The following PLD1 variants were observed in gnomAD, a reference collection of about 807,000 sequenced individuals.
The protein encoded by PLD1 is phospholipase D1.
A neutral mutation model predicts 137.1 loss-of-function variants in PLD1; 112 were observed. That is an observed-to-expected ratio of 0.82 (90% CI 0.70 to 0.96). The LOEUF is 0.96. Ranked by LOEUF, PLD1 falls within the 40% of genes least tolerant of loss-of-function variation. The probability of loss-of-function intolerance (pLI) is 0.00; values close to 1 mark genes in which losing one functional copy is unlikely to be tolerated. For missense variants in PLD1, 1,321 were observed against 1,342.0 expected (o/e 0.98, Z 0.24); for synonymous variants, 431 against 454.7 (o/e 0.95, Z 0.66).
intron 19 of PLD1, among the ~76,000 whole-genome samples, chr3:171,662,976 C>T (rs4894715): frequency 0.46 from 70,291 of 152,050 alleles, 16,628 homozygotes; most frequent in African/African-American, 0.55. Context: ...TGTTTTGCCA[C>T]TTCATCACAT....
chr3:171,748,419 C>G (rs1720417473), intron 1 of PLD1, among the ~76,000 whole-genome samples: 1 of 152,144 alleles, frequency 6.6e-6, no homozygotes. Flanking sequence ...ACGGAATATT[C>G]ATGCATTCCT....
intron 12 of PLD1, among the ~76,000 whole-genome samples, chr3:171,693,555 C>CT (rs1284648600): frequency 3.3e-5 from 5 of 151,846 alleles, no homozygotes; most frequent in Non-Finnish European, 7.4e-5. Flanking sequence ...TTGTGGATTG[C>CT]TTTTTTTACT....
chr3:171,735,420 G>C, intron 4 of PLD1, 72 bp downstream of exon 4: 2 of 1,282,510 alleles, frequency 1.6e-6, no homozygotes, highest in Admixed American at 1.7e-5. Context: ...ACAGGTGTGA[G>C]CTACCACACC....
At chr3:171,673,575 T>A (rs1369319954) in intron 19 of PLD1, among the ~76,000 whole-genome samples, 1 of 152,050 alleles carries the variant, frequency 6.6e-6, no homozygotes, top group East Asian at 1.9e-4. Context: ...CTGGCCTTTT[T>A]TAAAAAAAGT....
At chr3:171,791,736 G>T (rs1190820233) in intron 1 of PLD1, 1 of 152,090 alleles carries the variant, frequency 6.6e-6, no homozygotes, top group Non-Finnish European at 1.5e-5. Context: ...TTCCTCACCT[G>T]GGGCCATTCA....
At chr3:171,668,484 T>G (rs1018108222) in intron 19 of PLD1, among the ~76,000 whole-genome samples, 3 of 152,256 alleles carry the variant, frequency 2.0e-5, no homozygotes, top group Admixed American at 6.5e-5. Flanking sequence ...AAAACAATTT[T>G]TTTTCAGTGG....
At chr3:171,689,657 T>G (rs900994195) in intron 13 of PLD1, among the ~76,000 whole-genome samples, 1 of 152,140 alleles carries the variant, frequency 6.6e-6, no homozygotes, top group South Asian at 2.1e-4. Flanking sequence ...TGTACCACCA[T>G]GCCTGGCTAA....
At chr3:171,670,176 G>A (rs1712601592) in intron 19 of PLD1, among the ~76,000 whole-genome samples, 1 of 9,926 alleles carries the variant, frequency 1.0e-4, no homozygotes, top group African/African-American at 5.1e-4. Flanking sequence ...ATGGTTAATG[G>A]GTACAAACAT....
At chr3:171,809,144 T>C (rs542115059) in intron 1 of PLD1, 1 of 152,368 alleles carries the variant, frequency 6.6e-6, no homozygotes, top group African/African-American at 2.4e-5. Context: ...ACTTTTTATA[T>C]GGATTGTTAA....
intron 6 of PLD1, among the ~76,000 whole-genome samples, chr3:171,729,112 T>C (rs1264667762): frequency 6.6e-6 from 1 of 152,232 alleles, no homozygotes; most frequent in Non-Finnish European, 1.5e-5. Flanking sequence ...TTTGGGCAAG[T>C]GATTCTCAGG....
At chr3:171,666,284 C>A (rs1712136146) in intron 19 of PLD1, 1 of 152,624 alleles carries the variant, frequency 6.6e-6, no homozygotes, top group Admixed American at 6.5e-5. Context: ...GGAGGCCTCA[C>A]AATCATGGCA....
intron 19 of PLD1, among the ~76,000 whole-genome samples, chr3:171,667,979 T>C (rs991473419): frequency 6.6e-6 from 1 of 152,214 alleles, no homozygotes; most frequent in Admixed American, 6.5e-5. Flanking sequence ...TTCGAACTCC[T>C]GACGTCAGGT....
In PLD1 at chr3:171,675,475, T is replaced by C. The variant is rs118180080; in HGVS notation, c.2116-862A>G. On this transcript the variant is annotated intron_variant, in intron 18 of 26. Coordinates refer to ENST00000351298, the MANE Select transcript of PLD1 (RefSeq NM_002662.5). The stretch of plus-strand genomic sequence containing the variant: ...GGAAATAGTTTTTCTGGATCAAAGA[T>C]TGCATACTTTAAAAAAGACTTATTG... Among the ~76,000 whole-genome samples, 64 of 152,356 alleles carry C rather than the reference T, an allele frequency of 4.2e-4. No individual in the cohort carries two copies. In the East Asian group the frequency reaches 8.7e-3, roughly 21 times the overall value.
Position 171,764,965 on chromosome 3 carries a change from A to G in PLD1, c.-31-26883T>C, listed in dbSNP as rs866646237. Among the ~76,000 whole-genome samples the G allele has an allele frequency of 4.2e-3, 298 of 70,430 alleles. 42 individuals are homozygous for G. The highest frequency in any genetic ancestry group is 7.1e-3 in the Admixed American group (42 of 5,940). 46.2% of individuals were successfully genotyped at this position (70,430 alleles called of 152,430 possible). A position where few individuals can be genotyped will look rare whatever the true frequency, so the allele number is the denominator to read the frequency against. On this transcript the variant is annotated intron_variant, in intron 1 of 26. Transcript: ENST00000351298. ...AAGAAAGAAAGAAAGAAAGAAAGAA[A>G]GAAAGAAAGAAAGAAAGAAAGAAAG...
chr3:171,667,759 AC>A (rs1712293752), intron 19 of PLD1, among the ~76,000 whole-genome samples: 1 of 152,252 alleles, frequency 6.6e-6, no homozygotes, highest in Admixed American at 6.5e-5. Context: ...CCCACCACTT[AC>A]TGTTTGTGGT....
At chr3:171,765,238 A>G (rs1478031123) in intron 1 of PLD1, 1 of 152,196 alleles carries the variant, frequency 6.6e-6, no homozygotes, top group Non-Finnish European at 1.5e-5. Context: ...GCTGTTAAAA[A>G]ACGATTTCCA....
At chr3:171,759,928 C>T (rs909425651) in intron 1 of PLD1, among the ~76,000 whole-genome samples, 2 of 152,170 alleles carry the variant, frequency 1.3e-5, no homozygotes, top group Non-Finnish European at 2.9e-5. Flanking sequence ...ATTTCTCTTG[C>T]TTCCCCAAGG....
At chr3:171,698,405 T>C (rs1715948364) in intron 12 of PLD1, among the ~76,000 whole-genome samples, 1 of 152,232 alleles carries the variant, frequency 6.6e-6, no homozygotes, top group African/African-American at 2.4e-5. Context: ...GCAGAATGTG[T>C]TTCAAATAAA....
chr3:171,647,823 ACCTTTTCAACATCCC>A (rs1736394158), intron 21 of PLD1, among the ~76,000 whole-genome samples: 1 of 151,850 alleles, frequency 6.6e-6, no homozygotes, highest in Admixed American at 6.6e-5. Context: ...CTATTCCCAA[ACCTTTTCAACATCCC>A]AGACAGAAAC....
Sources: gnomAD v4.1 joint callset for allele counts (sites outside exome capture counted in the v4.1 genomes callset) on GRCh38, gnomAD v4.1.1 for gene constraint, MANE v1.5 for transcripts, NCBI Gene and HGNC (gene_info 2026-07-23, HGNC 2026-07-21) for gene names.